The following STK32B variants were observed in gnomAD, a reference collection of about 807,000 sequenced individuals.
The protein encoded by STK32B is serine/threonine kinase 32B.
A neutral mutation model predicts 52.6 loss-of-function variants in STK32B; 43 were observed. That is an observed-to-expected ratio of 0.82 (90% CI 0.64 to 1.05). The LOEUF (loss-of-function observed/expected upper bound fraction) is 1.05, where lower values mean the gene tolerates loss of function less well. Among genes scored for constraint, STK32B ranks in the 50% least tolerant of loss-of-function variants. STK32B has a pLI of 0.00. For missense variants in STK32B, 621 were observed against 534.6 expected, an observed-to-expected ratio of 1.16 and a Z score of -1.59; for synonymous variants, 238 against 204.3, an observed-to-expected ratio of 1.17 and a Z score of -1.41.
At chr4:5,461,728 A>G (rs1291406612) in intron 9 of STK32B, among the ~76,000 whole-genome samples, 1 of 152,156 alleles carries the variant, frequency 6.6e-6, no homozygotes, top group Admixed American at 6.5e-5. Context: ...CAGACAGGCT[A>G]TGGAATGGCA....
intron 9 of STK32B, among the ~76,000 whole-genome samples, chr4:5,465,380 T>G (rs946931263): frequency 3.3e-5 from 5 of 152,020 alleles, no homozygotes; most frequent in African/African-American, 9.7e-5. Context: ...CCCAGTTCTG[T>G]CTGCAAAGTC....
rs987591920 is a variant in STK32B, at chr4:5,395,440, A to G, written c.435-2767A>G. ...TTCTTGCTATTCAGATGTCAACCCA[A>G]TGTCACCACTTCTTAAAGGTCTTCC... is the stretch of plus-strand genomic sequence containing the variant. On this transcript the variant is annotated intron_variant, in intron 4 of 11. Transcript: ENST00000282908. The surrounding 1 kb of genome is among the most constrained non-coding windows in gnomAD (Gnocchi z 4.4). Among the ~76,000 whole-genome samples the G allele has an allele frequency of 6.6e-6, 1 of 152,130 alleles. No individual in the cohort carries two copies. Among genetic ancestry groups the G allele is most frequent in the Admixed American group, 6.5e-5 (1 of 15,282 alleles).
At chr4:5,265,258 A>C (rs1348470258) in intron 3 of STK32B, among the ~76,000 whole-genome samples, 3 of 152,220 alleles carry the variant, frequency 2.0e-5, no homozygotes, top group Non-Finnish European at 4.4e-5. Flanking sequence ...CTGACAGGTG[A>C]GAACGCGTGG....
intron 2 of STK32B, among the ~76,000 whole-genome samples, chr4:5,166,761 C>T (rs559699316): frequency 4.5e-4 from 69 of 152,058 alleles, no homozygotes; most frequent in African/African-American, 1.6e-3. Flanking sequence ...TGTTTAAATC[C>T]CCCAGTTTGA....
At chr4:5,295,898 G>A (rs897144737) in intron 3 of STK32B, among the ~76,000 whole-genome samples, 2 of 151,990 alleles carry the variant, frequency 1.3e-5, no homozygotes, top group Non-Finnish European at 2.9e-5. Context: ...TCTGATGTGG[G>A]CATTTAGTCC....
At chr4:5,388,109 TCATC>T (rs1395112654) in intron 4 of STK32B, among the ~76,000 whole-genome samples, 1 of 152,218 alleles carries the variant, frequency 6.6e-6, no homozygotes, top group African/African-American at 2.4e-5. Flanking sequence ...TGCAGTTTCT[TCATC>T]CATCAAAAAG....
intron 3 of STK32B, among the ~76,000 whole-genome samples, chr4:5,173,567 T>C (rs1719571371): frequency 6.6e-6 from 1 of 152,194 alleles, no homozygotes; most frequent in Non-Finnish European, 1.5e-5. Flanking sequence ...ATGTACCCAG[T>C]AGTCATTCAG....
intron 3 of STK32B, among the ~76,000 whole-genome samples, chr4:5,306,605 A>G (rs1200273351): frequency 6.6e-6 from 1 of 152,158 alleles, no homozygotes; most frequent in Non-Finnish European, 1.5e-5. Flanking sequence ...GCCATTCTGT[A>G]TCTCTTAAAT....
At chr4:5,212,816 T>A (rs1722981417) in intron 3 of STK32B, among the ~76,000 whole-genome samples, 1 of 152,170 alleles carries the variant, frequency 6.6e-6, no homozygotes, top group Admixed American at 6.5e-5. Flanking sequence ...GAGTGATGAG[T>A]TGGCCTGCAA....
intron 3 of STK32B, among the ~76,000 whole-genome samples, chr4:5,300,871 A>G (rs1729507150): frequency 6.6e-6 from 1 of 152,160 alleles, no homozygotes; most frequent in Non-Finnish European, 1.5e-5. Flanking sequence ...GCCCAAAGCT[A>G]TTTGTAGATT....
At chr4:5,154,811 T>G (rs1717663438) in intron 2 of STK32B, among the ~76,000 whole-genome samples, 1 of 152,204 alleles carries the variant, frequency 6.6e-6, no homozygotes, top group African/African-American at 2.4e-5. Flanking sequence ...AAAGGCTCAG[T>G]AAGTGCTGGC....
intron 11 of STK32B, among the ~76,000 whole-genome samples, chr4:5,476,071 T>C (rs921333751): frequency 3.3e-5 from 5 of 150,166 alleles, no homozygotes; most frequent in Non-Finnish European, 5.9e-5. Flanking sequence ...ATTTTTGTAT[T>C]TTTTTTTTAG....
chr4:5,319,909 C>A (rs1476632511), intron 3 of STK32B, among the ~76,000 whole-genome samples: 4 of 152,126 alleles, frequency 2.6e-5, no homozygotes, highest in African/African-American at 9.7e-5. Flanking sequence ...AGACCTCAGA[C>A]CTTGCCCCAC....
At chr4:5,390,993 T>C (rs541115907) in intron 4 of STK32B, among the ~76,000 whole-genome samples, 1 of 135,238 alleles carries the variant, frequency 7.4e-6, no homozygotes, top group African/African-American at 2.9e-5. Context: ...TGAGACGGAA[T>C]CTCACTCTGT....
At chr4:5,463,549 C>T (rs1232764437) in intron 9 of STK32B, among the ~76,000 whole-genome samples, 1 of 152,094 alleles carries the variant, frequency 6.6e-6, no homozygotes, top group African/African-American at 2.4e-5. Context: ...TGCCCCCACA[C>T]ACAGTCTCAC....
rs148684755 is a variant in STK32B at position 5,161,574 on chromosome 4, CTT to C, written c.109-6723_109-6722del. Among the ~76,000 whole-genome samples the C allele has an allele frequency of 4.4e-3, 672 of 152,336 alleles. 26 individuals are homozygous for C. In the East Asian group the frequency reaches 0.097, roughly 22 times the overall value. The stretch of plus-strand genomic sequence containing the variant: ...ATTCTCTTTTGTACAGAACGCAAGA[CTT>C]TCCCTAGAAACCTCTAGCAAACTAA... On this transcript the variant is annotated intron_variant, in intron 2 of 11. Transcript: ENST00000282908.
chr4:5,282,864 T>C (rs1728298391), intron 3 of STK32B, among the ~76,000 whole-genome samples: 1 of 152,130 alleles, frequency 6.6e-6, no homozygotes, highest in African/African-American at 2.4e-5. Context: ...TTATGAGTTG[T>C]TTATTCCTGG....
chr4:5,100,001 A>T (rs953810783), intron 1 of STK32B, among the ~76,000 whole-genome samples: 1 of 138,688 alleles, frequency 7.2e-6, no homozygotes, highest in African/African-American at 2.8e-5. Flanking sequence ...TCAGTTCTTT[A>T]AAAAAAAAAA....
chr4:5,332,376 A>G (rs1732320228), intron 4 of STK32B, among the ~76,000 whole-genome samples: 1 of 152,216 alleles, frequency 6.6e-6, no homozygotes, highest in Non-Finnish European at 1.5e-5. Context: ...TAGATGCTAA[A>G]GAATTCCCCA....
Sources: allele counts gnomAD v4.1 joint callset (sites outside exome capture counted in the v4.1 genomes callset), GRCh38; gene constraint gnomAD v4.1.1; non-coding constraint Gnocchi (gnomAD v3.1); transcripts MANE v1.5; gene names NCBI Gene and HGNC (gene_info 2026-07-23, HGNC 2026-07-21).